Variants in MAP4 observed in about 807,000 individuals in gnomAD.
The protein encoded by MAP4 is microtubule-associated protein 4.
Under a neutral mutation model 170.2 loss-of-function variants are expected in MAP4, and 76 were observed. The ratio of observed to expected loss-of-function variants is 0.45; its 90% CI spans 0.37 to 0.54. The LOEUF (loss-of-function observed/expected upper bound fraction) is 0.54. Ranked by LOEUF, MAP4 falls within the 20% of genes least tolerant of loss-of-function variation. The probability of loss-of-function intolerance (pLI) is 0.00; values close to 1 mark genes in which losing one functional copy is unlikely to be tolerated. For synonymous variants in MAP4, 909 were observed against 994.5 expected, an observed-to-expected ratio of 0.91 and a Z score of 1.62; for missense variants, 2,506 against 2,748.0, an observed-to-expected ratio of 0.91 and a Z score of 1.97.
chr3:47,886,529 C>T (rs1307679184), intron 10 of MAP4, among the ~76,000 whole-genome samples: 1 of 152,144 alleles, frequency 6.6e-6, no homozygotes, highest in Non-Finnish European at 1.5e-5. Flanking sequence ...TCTCAAACTC[C>T]TGGCCTCAAG....
At chr3:47,996,213 G>A (rs2100095500) in intron 2 of MAP4, among the ~76,000 whole-genome samples, 1 of 152,132 alleles carries the variant, frequency 6.6e-6, no homozygotes, top group Non-Finnish European at 1.5e-5. Context: ...GCTGTAGCTA[G>A]GGAAAGAGTA....
At chr3:47,978,022 A>G (rs2100083215) in intron 2 of MAP4, 89 bp from the exon 3 acceptor site, 2 of 856,100 alleles carry the variant, frequency 2.3e-6, no homozygotes, top group Middle Eastern at 2.2e-4. Flanking sequence ...AGTTTTTCTC[A>G]CTCTTTGTAG....
chr3:47,930,461 A>C (rs1442683971), intron 3 of MAP4, among the ~76,000 whole-genome samples: 1 of 151,582 alleles, frequency 6.6e-6, no homozygotes, highest in East Asian at 1.9e-4. Context: ...CAAAAAAAAA[A>C]ACAAACAAAC....
chr3:48,074,691 T>TGTGTGTGTGTGA (rs2100142913), intron 1 of MAP4, among the ~76,000 whole-genome samples: 2 of 145,112 alleles, frequency 1.4e-5, no homozygotes, highest in Non-Finnish European at 3.0e-5. Flanking sequence ...TGTGTGTGTG[T>TGTGTGTGTGTGA]GTGTGTGTGT....
At chr3:48,056,250 C>G (rs1468154211) in intron 1 of MAP4, among the ~76,000 whole-genome samples, 1 of 110,052 alleles carries the variant, frequency 9.1e-6, no homozygotes, top group African/African-American at 3.1e-5. Context: ...CCGTGCCGTC[C>G]GGGAGGGAGG....
intron 10 of MAP4, chr3:47,892,174 GCT>G (rs749432630): frequency 6.5e-7 from 1 of 1,536,306 alleles, no homozygotes; most frequent in Non-Finnish European, 8.7e-7. Context: ...TCACATACCT[GCT>G]CTCAAGGTGA....
intron 1 of MAP4, among the ~76,000 whole-genome samples, chr3:48,063,972 T>C (rs1393517535): frequency 6.6e-6 from 1 of 152,202 alleles, no homozygotes; most frequent in Non-Finnish European, 1.5e-5. Context: ...GAAAGAGATC[T>C]GATCTAACCA....
At chr3:47,907,931 G>A (rs1478677776) in intron 9 of MAP4, among the ~76,000 whole-genome samples, 1 of 152,182 alleles carries the variant, frequency 6.6e-6, no homozygotes, top group African/African-American at 2.4e-5. Flanking sequence ...ATTCCTTAGT[G>A]GGTACATACT....
At chr3:48,088,806 G>C (rs1045362587) in exon 1 of MAP4, 4 of 152,742 alleles carry the variant, frequency 2.6e-5, no homozygotes, top group Non-Finnish European at 5.8e-5. Context: ...GGGCAGAAGG[G>C]AGCCAGGAGA....
In MAP4 at chr3:48,016,334, AG is replaced by A. The variant is rs769740873; in HGVS notation, c.-21del. On this transcript the variant is annotated splice_region_variant and 5_prime_UTR_variant, in exon 1 of 21. Transcript: ENST00000683076. ...TTAAAAGGCTACCTTGCTTACTTAC[AG>A]GAACTATCCAGGCAGCTTGTGTTCA... 5 of 151,980 alleles carry A rather than the reference AG, an allele frequency of 3.3e-5. No individual in the cohort carries two copies. Among genetic ancestry groups the A allele is most frequent in the Non-Finnish European group, 5.9e-5 (4 of 68,054 alleles). The allele number at this position is 151,980 out of a possible 1,614,324, so 9.4% of individuals were successfully genotyped here.
At chr3:48,022,434 C>G (rs1331939029) in intron 1 of MAP4, among the ~76,000 whole-genome samples, 1 of 152,122 alleles carries the variant, frequency 6.6e-6, no homozygotes, top group Non-Finnish European at 1.5e-5. Flanking sequence ...TACCAACTTA[C>G]AAGAAACAGA....
chr3:48,001,813 T>G (rs567093222), intron 1 of MAP4, among the ~76,000 whole-genome samples: 1 of 152,316 alleles, frequency 6.6e-6, no homozygotes, highest in Admixed American at 6.5e-5. Flanking sequence ...CTTACTTTTC[T>G]TAAAGCAAAT....
At chr3:47,983,049 C>G (rs936585728) in intron 2 of MAP4, among the ~76,000 whole-genome samples, 1 of 152,134 alleles carries the variant, frequency 6.6e-6, no homozygotes, top group Admixed American at 6.5e-5. Flanking sequence ...GGACTACAGG[C>G]GTGCGCCACC....
Position 47,911,178 on chromosome 3 carries a change from T to C in MAP4, c.3243A>G (p.Lys1081=). The change falls in exon 9 of 21, where the codon AAA becomes AAG. Residue 1081 remains lysine, a synonymous_variant. Coordinates refer to ENST00000683076, the MANE Select transcript of MAP4 (RefSeq NM_001385682.1). The surrounding 1 kb of genome is among the most constrained non-coding windows in gnomAD (Gnocchi z 4.0). ...TGTCCAGAAGAAATGGCAGCTCAGATTTTGCTTTTACCTTCCCAGAATCTG... is the reference window on the plus strand; with the variant it reads ...TGTCCAGAAGAAATGGCAGCTCAGACTTTGCTTTTACCTTCCCAGAATCTG... ...MRTDSGKVKA[K]SELPFLLDSQ... is the part of the protein sequence containing the mutation. 6.5e-7 allele frequency: 1 copy of C among 1,536,086 alleles called. No individual in the cohort carries two copies. Among genetic ancestry groups the C allele is most frequent in the Non-Finnish European group, 8.7e-7 (1 of 1,146,902 alleles).
intron 9 of MAP4, among the ~76,000 whole-genome samples, chr3:47,905,210 C>T (rs1187435243): frequency 3.3e-5 from 5 of 152,182 alleles, no homozygotes; most frequent in Admixed American, 1.3e-4. Context: ...ACTCTCCCTA[C>T]GATAAGCTAG....
chr3:48,004,277 G>A (rs2100100988), intron 1 of MAP4, among the ~76,000 whole-genome samples: 1 of 152,120 alleles, frequency 6.6e-6, no homozygotes, highest in Non-Finnish European at 1.5e-5. Flanking sequence ...ATAGCATGGA[G>A]AACATTCATA....
chr3:48,001,251 T>C lies in MAP4; in HGVS notation c.-19-2372A>G, dbSNP rs1019824945. On this transcript the variant is annotated intron_variant, in intron 1 of 20. Transcript: ENST00000683076. ...GCTGGAGATAGTTTGTCTCTACCTA[T>C]ATGGAGCTTAGTGAAAACATTCATT... Among the ~76,000 whole-genome samples, 10 of 152,216 alleles carry C rather than the reference T, an allele frequency of 6.6e-5. No individual in the cohort carries two copies. The East Asian group carries it at 1.7e-3, about 26-fold the overall frequency.
At chr3:47,864,672 G>A (rs180789530) in intron 17 of MAP4, among the ~76,000 whole-genome samples, 2 of 151,740 alleles carry the variant, frequency 1.3e-5, no homozygotes, top group South Asian at 2.1e-4. Flanking sequence ...TCGAGACTCC[G>A]TCTCAAAAAT....
At chr3:47,888,290 G>A (rs559241930) in intron 10 of MAP4, among the ~76,000 whole-genome samples, 6 of 152,192 alleles carry the variant, frequency 3.9e-5, no homozygotes, top group South Asian at 4.2e-4. Context: ...TAACCCGCTC[G>A]GGTCCCCTTC....
Sources: gnomAD v4.1 joint callset for allele counts (sites outside exome capture counted in the v4.1 genomes callset) on GRCh38, gnomAD v4.1.1 for gene constraint, Gnocchi (gnomAD v3.1) non-coding constraint, MANE v1.5 for transcripts, NCBI Gene and HGNC (gene_info 2026-07-23, HGNC 2026-07-21) for gene names.